The following CDC42BPB variants were observed in gnomAD, a reference collection of about 807,000 sequenced individuals.
CDC42BPB encodes the protein serine/threonine-protein kinase MRCK beta.
CDC42BPB carries 37 observed loss-of-function variants against 214.9 expected under a neutral mutation model. The ratio of observed to expected loss-of-function variants is 0.17; its 90% confidence interval spans 0.13 to 0.23. The LOEUF is 0.23. Among genes scored for constraint, CDC42BPB ranks in the 10% least tolerant of loss-of-function variants. The pLI, the probability that CDC42BPB is intolerant of heterozygous loss-of-function variation, is 1.00. For synonymous variants in CDC42BPB, 931 were observed against 884.0 expected, an observed-to-expected ratio of 1.05 and a Z score of -0.94; for missense variants, 1,694 against 2,227.0, an observed-to-expected ratio of 0.76 and a Z score of 4.82.
At chr14:103,024,851 T>A (rs1238906918) in intron 1 of CDC42BPB, among the ~76,000 whole-genome samples, 2 of 152,212 alleles carry the variant, frequency 1.3e-5, no homozygotes, top group Non-Finnish European at 2.9e-5. Context: ...GGTGCTGGGA[T>A]TACAGGCGTG....
rs537093694 is a variant in CDC42BPB, at chr14:102,954,174, C to T, written c.3066+24G>A. ...AACAACTAAATAACTAAGAAGGCGC[C>T]CCGGGTGAAAGCAAGGCCCCTACCT... On this transcript the variant is annotated intron_variant, in intron 23 of 36. Coordinates refer to ENST00000361246, the MANE Select transcript of CDC42BPB (RefSeq NM_006035.4). 6 of 1,490,780 alleles carry T rather than the reference C, an allele frequency of 4.0e-6. No individual in the cohort carries two copies. In the African/African-American group the frequency reaches 5.6e-5, roughly 14 times the overall value. 92.3% of individuals were successfully genotyped at this position (1,490,780 alleles called of 1,614,324 possible).
At chr14:103,047,501 C>T (rs1380494113) in intron 1 of CDC42BPB, among the ~76,000 whole-genome samples, 1 of 152,194 alleles carries the variant, frequency 6.6e-6, no homozygotes, top group African/African-American at 2.4e-5. Context: ...ATTACCAACA[C>T]TCTCAGTGTA....
chr14:102,975,570 A>T, intron 11 of CDC42BPB, 114 bp downstream of exon 11: 2 of 1,137,460 alleles, frequency 1.8e-6, no homozygotes, highest in Non-Finnish European at 2.5e-6. Context: ...TAAGCTTGCT[A>T]AAGCCTAAGC....
chr14:102,946,469 C>A lies in CDC42BPB; in HGVS notation c.3747G>T (p.Val1249=). ...AAGGACACAACCTTTGGGACGTACC[C>A]ACGATGGCAGCTGTCAGGATGGCCT... is the stretch of plus-strand genomic sequence containing the variant. ...LIKAILTAAI[V]DADRIAVGLE... The change falls in exon 28 of 37, where the codon GTG becomes GTT. Residue 1249 remains valine (V), a splice_region_variant and synonymous_variant. Transcript: ENST00000361246. 1 of 1,612,584 alleles carries A rather than the reference C, an allele frequency of 6.2e-7. No individual in the cohort carries two copies. Among genetic ancestry groups the A allele is most frequent in the South Asian group, 1.1e-5 (1 of 91,048 alleles).
intron 1 of CDC42BPB, among the ~76,000 whole-genome samples, chr14:103,034,544 T>C (rs1198783236): frequency 2.0e-5 from 3 of 152,160 alleles, no homozygotes. Flanking sequence ...CTGGGTGTGG[T>C]GGCTCATGCC....
chr14:103,041,514 C>A, intron 1 of CDC42BPB: 1 of 1,390,602 alleles, frequency 7.2e-7, no homozygotes, highest in Non-Finnish European at 1.0e-6. Context: ...TCCACAAGGA[C>A]TGGCAGCTGG....
At chr14:103,055,240 C>A (rs1402172319) in intron 1 of CDC42BPB, among the ~76,000 whole-genome samples, 1 of 152,184 alleles carries the variant, frequency 6.6e-6, no homozygotes, top group East Asian at 1.9e-4. Context: ...CTGGCCAACA[C>A]TGTGAAACCC....
chr14:102,943,722 G>T lies in CDC42BPB; in HGVS notation c.4408+169C>A, dbSNP rs1892009312. ...CGCCTACTGCTGGTCTGAGACGTGAGATCTGAACCATGCTCTCTGCTGCGG... is the reference window on the plus strand; with the variant it reads ...CGCCTACTGCTGGTCTGAGACGTGATATCTGAACCATGCTCTCTGCTGCGG... On this transcript the variant is annotated intron_variant, in intron 30 of 36. Coordinates refer to ENST00000361246, the MANE Select transcript of CDC42BPB (RefSeq NM_006035.4). The surrounding 1 kb of genome is among the most constrained non-coding windows in gnomAD (Gnocchi z 4.6). The T allele has an allele frequency of 1.6e-6, 1 of 621,610 alleles. No homozygotes were observed. Among genetic ancestry groups the T allele is most frequent in the East Asian group, 2.8e-5 (1 of 36,298 alleles). 38.5% of individuals were successfully genotyped at this position (621,610 alleles called of 1,614,324 possible).
At chr14:102,933,972 AACAC>A (rs1253615209) in intron 36 of CDC42BPB, 129 bp from the exon 37 acceptor site, 1 of 1,403,818 alleles carries the variant, frequency 7.1e-7, no homozygotes, top group African/African-American at 1.5e-5. Context: ...ATGTTATGAA[AACAC>A]ACACGCTCTA....
chr14:103,006,065 A>G (rs1357586062), intron 3 of CDC42BPB, among the ~76,000 whole-genome samples: 1 of 151,490 alleles, frequency 6.6e-6, no homozygotes, highest in Non-Finnish European at 1.5e-5. Context: ...TCCCAGTTCT[A>G]CTAATGACAA....
chr14:102,996,691 AATCCTAGCTACTCGGGAGGCTGAGGC>A (rs1462607651), intron 5 of CDC42BPB, among the ~76,000 whole-genome samples: 4 of 151,866 alleles, frequency 2.6e-5, no homozygotes, highest in Non-Finnish European at 5.9e-5. Context: ...GCATGCCTGT[AATCCTAGCTACTCGGGAGGCTGAGGC>A]AAGAGAATTG....
chr14:103,010,555 G>A (rs1309088738), intron 2 of CDC42BPB, among the ~76,000 whole-genome samples: 1 of 152,326 alleles, frequency 6.6e-6, no homozygotes, highest in South Asian at 2.1e-4. Context: ...CACAGCAAAG[G>A]CCATCTCGCT....
chr14:102,938,464 G>T, intron 34 of CDC42BPB, 53 bp from the exon 35 acceptor site: 2 of 1,505,400 alleles, frequency 1.3e-6, no homozygotes, highest in Non-Finnish European at 1.8e-6. Flanking sequence ...CGGCAGGGCC[G>T]GCTGCGAAGT....
chr14:103,054,829 C>T (rs1009768158), intron 1 of CDC42BPB, among the ~76,000 whole-genome samples: 12 of 152,232 alleles, frequency 7.9e-5, no homozygotes, highest in Non-Finnish European at 1.3e-4. Flanking sequence ...GCACAGTTCC[C>T]GTTTAGATTT....
At chr14:103,018,413 T>TA (rs1453090159) in intron 1 of CDC42BPB, among the ~76,000 whole-genome samples, 6 of 152,166 alleles carry the variant, frequency 3.9e-5, no homozygotes, top group African/African-American at 1.4e-4. Flanking sequence ...TTGGAAAACT[T>TA]AGAGGGGCAA....
chr14:102,992,390 T>A (rs969493174), intron 5 of CDC42BPB, among the ~76,000 whole-genome samples: 1 of 152,190 alleles, frequency 6.6e-6, no homozygotes, highest in African/African-American at 2.4e-5. Flanking sequence ...CCACCAGTTA[T>A]AAATGGCAGA....
At chr14:103,022,501 C>T (rs1027620280) in intron 1 of CDC42BPB, among the ~76,000 whole-genome samples, 1 of 152,170 alleles carries the variant, frequency 6.6e-6, no homozygotes, top group Non-Finnish European at 1.5e-5. Context: ...GGACTACAGG[C>T]ACATGCCACC....
At chr14:102,946,311 CCG>C (rs1555384667) in intron 28 of CDC42BPB, among the ~76,000 whole-genome samples, 155 bp downstream of exon 28, 61,830 of 151,732 alleles carry the variant, frequency 0.41, 14,033 homozygotes, top group African/African-American at 0.61. Context: ...GCGTGAGCCA[CCG>C]CACCCGGCCT....
chr14:103,056,076 G>C (rs1369872926), intron 1 of CDC42BPB, among the ~76,000 whole-genome samples: 1 of 152,128 alleles, frequency 6.6e-6, no homozygotes, highest in African/African-American at 2.4e-5. Flanking sequence ...CTGTCTTTAG[G>C]ATCCTAATTA....
Sources: gnomAD v4.1 joint callset for allele counts (sites outside exome capture counted in the v4.1 genomes callset) on GRCh38, gnomAD v4.1.1 for gene constraint, Gnocchi (gnomAD v3.1) non-coding constraint, MANE v1.5 for transcripts, NCBI Gene and HGNC (gene_info 2026-07-23, HGNC 2026-07-21) for gene names.